Variants in LPCAT1 observed in about 807,000 individuals in gnomAD.
The protein encoded by LPCAT1 is lysophosphatidylcholine acyltransferase 1.
Under a neutral mutation model 60.9 loss-of-function variants are expected in LPCAT1, and 23 were observed. That is an observed-to-expected ratio of 0.38 (90% confidence interval 0.27 to 0.53). The LOEUF (loss-of-function observed/expected upper bound fraction) is 0.53, where lower values mean the gene tolerates loss of function less well. LPCAT1 is among the 20% of genes least tolerant of loss of function. The pLI, the probability that LPCAT1 is intolerant of heterozygous loss-of-function variation, is 0.82. For synonymous variants in LPCAT1, 340 were observed against 301.1 expected (o/e 1.13, Z -1.34); for missense variants, 622 against 723.6 (o/e 0.86, Z 1.61).
rs111307365 is a variant in LPCAT1, at chr5:1,470,873, C to T, written c.1231G>A (p.Val411Ile). 9.3e-6 allele frequency: 15 copies of T among 1,613,470 alleles called. No individual in the cohort carries two copies. Among genetic ancestry groups the T allele is most frequent in the South Asian group, 1.1e-5 (1 of 91,084 alleles). ...TCCAGGGTCCGGGCCGGCCGGCAGA[C>T]GACAGACAGGGCAACCACACACTCT... The part of the protein sequence containing the change: ...LRECVVALSV[V>I]CRPARTLDTI... Residue 411 changes from valine (V) to isoleucine (I), a missense_variant, in exon 12 of 14, where the codon GTC (valine) becomes ATC (isoleucine). Physicochemically the swap from Val to Ile is conservative, Grantham distance 29. Coordinates refer to ENST00000283415, the MANE Select transcript of LPCAT1 (RefSeq NM_024830.5).
In LPCAT1 at chr5:1,463,145, C is replaced by T. The variant is rs1734172604; in HGVS notation, c.*506G>A. 1.3e-5 allele frequency: 2 copies of T among 153,990 alleles called. No homozygotes were observed. Among genetic ancestry groups the T allele is most frequent in the South Asian group, 4.1e-4 (2 of 4,888 alleles). The allele number at this position is 153,990 out of a possible 1,614,324, so 9.5% of individuals were successfully genotyped here. On this transcript the variant is annotated 3_prime_UTR_variant, in exon 14 of 14. Transcript: ENST00000283415. ...ATGGAGTTTATAAAATACTCATGAG[C>T]TCCAGCACACAGGTAGAAACACTGA...
rs1314007029 is a variant in LPCAT1, at chr5:1,476,386, G to A, written c.899+1018C>T. Among the ~76,000 whole-genome samples, 1 of 152,202 alleles carries A rather than the reference G, an allele frequency of 6.6e-6. No individual in the cohort carries two copies. The highest frequency in any genetic ancestry group is 1.5e-5 in the Non-Finnish European group (1 of 68,038). ...CCTCGGACACATGCTTTGGGAGGGA[G>A]AGGATGGGAACGTGAGGGAACGGGC... On this transcript the variant is annotated intron_variant, in intron 9 of 13. Transcript: ENST00000283415. This position sits in a 1 kb window ranked among gnomAD's most constrained non-coding sequence, Gnocchi z 8.6.
rs1579811707 is a variant in LPCAT1, at chr5:1,510,521, C to T, written c.136-8918G>A. 1.3e-5 allele frequency among the ~76,000 whole-genome samples: 2 copies of T among 152,342 alleles called. 1 individual carries two copies. The highest frequency in any genetic ancestry group is 4.8e-5 in the African/African-American group (2 of 41,566). ...TGATTCTCCTAGACCACTCCATTTA[C>T]CATTTTCAACCCACTCCAGTCCACG... On this transcript the variant is annotated intron_variant, in intron 1 of 13. Transcript: ENST00000283415.
rs1457616316 is a variant in LPCAT1, at chr5:1,487,598, C to T, written c.667+793G>A. The stretch of plus-strand genomic sequence containing the variant: ...TAAATGTCCAGACACTCAGGTTGTG[C>T]GGCCCCAGAGGCACGGCAGCCGGTG... On this transcript the variant is annotated intron_variant, in intron 5 of 13. Transcript: ENST00000283415. The surrounding 1 kb of genome is among the most constrained non-coding windows in gnomAD (Gnocchi z 6.1). 6.6e-6 allele frequency among the ~76,000 whole-genome samples: 1 copy of T among 152,122 alleles called. No individual in the cohort carries two copies. The highest frequency in any genetic ancestry group is 6.6e-5 in the Admixed American group (1 of 15,258).
chr5:1,488,844 A>G (rs1466669332), intron 4 of LPCAT1, among the ~76,000 whole-genome samples: 5 of 152,344 alleles, frequency 3.3e-5, no homozygotes, highest in Non-Finnish European at 5.9e-5. Flanking sequence ...GGAGGAGAGC[A>G]AAGACCCACA....
chr5:1,505,788 G>A (rs977757590), intron 1 of LPCAT1, among the ~76,000 whole-genome samples: 6 of 152,172 alleles, frequency 3.9e-5, no homozygotes, highest in Non-Finnish European at 5.9e-5. Flanking sequence ...CACCTCACAC[G>A]TCCATGCATC....
Position 1,508,653 on chromosome 5 carries a change from C to T in LPCAT1, c.136-7050G>A, listed in dbSNP as rs759857479. On this transcript the variant is annotated intron_variant, in intron 1 of 13. Coordinates refer to ENST00000283415, the MANE Select transcript of LPCAT1 (RefSeq NM_024830.5). ...ATCTGAGGCACTTTATTATGGAAGC[C>T]GGAGCTGAGAAAGACACTTGACATA... 5.9e-5 allele frequency among the ~76,000 whole-genome samples: 9 copies of T among 152,164 alleles called. 1 individual carries two copies. The highest frequency in any genetic ancestry group is 2.0e-4 in the Admixed American group (3 of 15,282).
At chr5:1,500,327 C>A (rs1735959592) in intron 2 of LPCAT1, among the ~76,000 whole-genome samples, 1 of 152,232 alleles carries the variant, frequency 6.6e-6, no homozygotes, top group African/African-American at 2.4e-5. Context: ...TTGCTAATGG[C>A]AGATACTTTC....
At position 1,476,481 on chromosome 5, in the gene LPCAT1, C is replaced by T. The variant is rs1734923570; in HGVS notation, c.899+923G>A. The stretch of plus-strand genomic sequence containing the variant: ...GGCTCGGAGGTCAGAGCCAGGCACA[C>T]TCTGATGGGCCCGGCCGTGGCTGTG... On this transcript the variant is annotated intron_variant, in intron 9 of 13. Transcript: ENST00000283415. The surrounding 1 kb of genome is among the most constrained non-coding windows in gnomAD (Gnocchi z 8.6). 6.6e-6 allele frequency among the ~76,000 whole-genome samples: 1 copy of T among 152,110 alleles called. No homozygotes were observed. Among genetic ancestry groups the T allele is most frequent in the African/African-American group, 2.4e-5 (1 of 41,408 alleles).
At chr5:1,499,287 A>G (rs545225041) in intron 2 of LPCAT1, among the ~76,000 whole-genome samples, 1 of 152,302 alleles carries the variant, frequency 6.6e-6, no homozygotes, top group South Asian at 2.1e-4. Context: ...AGAACAGAGG[A>G]GGCGGGGAGC....
At chr5:1,519,428 C>T (rs1736604845) in intron 1 of LPCAT1, among the ~76,000 whole-genome samples, 1 of 152,224 alleles carries the variant, frequency 6.6e-6, no homozygotes, top group Non-Finnish European at 1.5e-5. Context: ...GATTTTGAAC[C>T]CCCCTTCCCA....
chr5:1,475,133 G>A (rs1191605198), intron 9 of LPCAT1, among the ~76,000 whole-genome samples: 2 of 152,270 alleles, frequency 1.3e-5, no homozygotes. Flanking sequence ...ATGAAGCAGA[G>A]TGAGGCGGGC....
chr5:1,515,312 C>T (rs769608507), intron 1 of LPCAT1, among the ~76,000 whole-genome samples: 20 of 151,076 alleles, frequency 1.3e-4, no homozygotes, highest in Admixed American at 2.6e-4. Flanking sequence ...CCAGCCTGCC[C>T]GGCCCTTCCT....
At chr5:1,493,566 GC>G (rs962698495) in intron 3 of LPCAT1, among the ~76,000 whole-genome samples, 1 of 152,224 alleles carries the variant, frequency 6.6e-6, no homozygotes, top group African/African-American at 2.4e-5. Context: ...CCTCAGCACC[GC>G]CCACTGCCAA....
chr5:1,484,633 C>T (rs142012511), intron 5 of LPCAT1, among the ~76,000 whole-genome samples: 40 of 152,298 alleles, frequency 2.6e-4, no homozygotes, highest in African/African-American at 9.1e-4. Context: ...CTAGGGCTGC[C>T]AGGAGCATCT....
rs1734962032 is a variant in LPCAT1, at chr5:1,477,395, C to T, written c.899+9G>A. ...GACTCGGCGATGGGGGAAGGAGCTG[C>T]TCACTTACTCGGCCATGACTCGCCG... On this transcript the variant is annotated intron_variant, in intron 9 of 13. Coordinates refer to ENST00000283415, the MANE Select transcript of LPCAT1 (RefSeq NM_024830.5). The surrounding 1 kb of genome is among the most constrained non-coding windows in gnomAD (Gnocchi z 6.0). The T allele has an allele frequency of 6.2e-7, 1 of 1,613,142 alleles. No individual in the cohort carries two copies.
chr5:1,517,655 G>A (rs769950976), intron 1 of LPCAT1, among the ~76,000 whole-genome samples: 2 of 150,132 alleles, frequency 1.3e-5, no homozygotes, highest in Non-Finnish European at 3.0e-5. Context: ...ATGTTTATAC[G>A]AGAAATAGAT....
chr5:1,500,443 C>T (rs990319854), intron 2 of LPCAT1, among the ~76,000 whole-genome samples: 6 of 152,318 alleles, frequency 3.9e-5, no homozygotes, highest in East Asian at 1.9e-4. Context: ...TATTCCTCAT[C>T]GGGTAGGTGT....
chr5:1,489,063 G>C (rs1735473111), intron 4 of LPCAT1, among the ~76,000 whole-genome samples: 2 of 152,244 alleles, frequency 1.3e-5, no homozygotes, highest in East Asian at 3.8e-4. Flanking sequence ...GAGGAAGACA[G>C]ACCTCAGGGG....
Sources: allele counts gnomAD v4.1 joint callset (sites outside exome capture counted in the v4.1 genomes callset), GRCh38; gene constraint gnomAD v4.1.1; non-coding constraint Gnocchi (gnomAD v3.1); transcripts MANE v1.5; gene names NCBI Gene and HGNC (gene_info 2026-07-23, HGNC 2026-07-21).